RAD51: variants seen among roughly 807,000 people sequenced by gnomAD.
RAD51 encodes RAD51 recombinase.
RAD51 carries 14 observed loss-of-function variants against 41.5 expected under a neutral mutation model. That is an observed-to-expected ratio of 0.34 (90% confidence interval 0.22 to 0.53). The LOEUF (loss-of-function observed/expected upper bound fraction) is 0.53, where lower values mean the gene tolerates loss of function less well. RAD51 is among the 20% of genes least tolerant of loss of function. RAD51 has a pLI of 0.95. For missense variants in RAD51, 234 were observed against 422.0 expected, an observed-to-expected ratio of 0.55 and a Z score of 3.90; for synonymous variants, 136 against 148.6, an observed-to-expected ratio of 0.92 and a Z score of 0.62.
intron 3 of RAD51, among the ~76,000 whole-genome samples, chr15:40,702,948 G>T (rs530561336): frequency 2.2e-4 from 33 of 152,118 alleles, no homozygotes; most frequent in African/African-American, 7.0e-4. Flanking sequence ...TCAGCCTGCT[G>T]AGTAGCTGGG....
In RAD51 at chr15:40,718,719, AG is replaced by A; in HGVS notation, c.436-84del. On this transcript the variant is annotated intron_variant, in intron 5 of 9. Coordinates refer to ENST00000267868, the MANE Select transcript of RAD51 (RefSeq NM_002875.5). ...AAATGTTTTTTTCCCTTTGCCTTGG[AG>A]GAATTATAAAGATGTCATGAGGAGC... 6.0e-6 allele frequency: 7 copies of A among 1,175,468 alleles called. No individual in the cohort carries two copies. The South Asian group carries it at 8.6e-5, about 14-fold the overall frequency. 72.8% of individuals were successfully genotyped at this position (1,175,468 alleles called of 1,614,324 possible). A position where few individuals can be genotyped will look rare whatever the true frequency, so the allele number is the denominator to read the frequency against.
At chr15:40,699,118 G>A (rs958916377) in intron 2 of RAD51, among the ~76,000 whole-genome samples, 7 of 152,142 alleles carry the variant, frequency 4.6e-5, no homozygotes, top group Non-Finnish European at 1.0e-4. Flanking sequence ...AGGATCCCAT[G>A]GTGGAATCTC....
In RAD51 at chr15:40,701,146, A is replaced by G. The variant is rs1448625265; in HGVS notation, c.170A>G (p.Lys57Arg). The change falls in exon 3 of 10, where the codon AAG becomes AGG. Residue 57 changes from lysine to arginine, a missense_variant. By Grantham distance (26) the Lys-to-Arg change is conservative (BLOSUM62 2). This residue lies in a region of RAD51 where 100 missense variants were observed against 135.5 expected (regional missense o/e 0.74). Transcript: ENST00000267868. ...GTGGAGGCTGTTGCCTATGCGCCAAAGAAGGAGCTAATAAATATTAAGGGA... is the reference window on the plus strand; with the variant it reads ...GTGGAGGCTGTTGCCTATGCGCCAAGGAAGGAGCTAATAAATATTAAGGGA... ...HTVEAVAYAP[K>R]KELINIKGIS... is the part of the protein sequence containing the mutation. 11 of 1,614,242 alleles carry G rather than the reference A, an allele frequency of 6.8e-6. No individual in the cohort carries two copies. The East Asian group carries it at 2.5e-4, about 36-fold the overall frequency.
chr15:40,728,050 G>A (rs944324095), intron 6 of RAD51, among the ~76,000 whole-genome samples: 1 of 152,022 alleles, frequency 6.6e-6, no homozygotes, highest in Admixed American at 6.6e-5. Flanking sequence ...AGTAGAGATG[G>A]GGTTTTGCCA....
chr15:40,706,118 C>A, intron 3 of RAD51, 59 bp from the exon 4 acceptor site: 3 of 1,314,670 alleles, frequency 2.3e-6, no homozygotes, highest in Non-Finnish European at 3.3e-6. Context: ...TTTTTGCCAT[C>A]AAGATCACTG....
chr15:40,724,837 C>G (rs541920045), intron 6 of RAD51, among the ~76,000 whole-genome samples: 110 of 148,364 alleles, frequency 7.4e-4, no homozygotes, highest in Admixed American at 2.0e-3. Context: ...CGCCACCACA[C>G]CCGGCTAATT....
intron 6 of RAD51, among the ~76,000 whole-genome samples, chr15:40,723,371 T>A (rs1896377532): frequency 6.6e-6 from 1 of 152,170 alleles, no homozygotes; most frequent in Non-Finnish European, 1.5e-5. Context: ...TAAAAACATG[T>A]CTATACAAAG....
At chr15:40,730,690 T>G (rs1025577941) in intron 9 of RAD51, among the ~76,000 whole-genome samples, 1 of 151,096 alleles carries the variant, frequency 6.6e-6, no homozygotes, top group Non-Finnish European at 1.5e-5. Context: ...CCTGGCTAAT[T>G]TTTTTGTATT....
At position 40,731,598 on chromosome 15, in the gene RAD51, G is replaced by A. The variant is rs1896878780; in HGVS notation, c.*420G>A. ...CCTCAGCTATGTAGCAAAGGGAATG[G>A]GTCTGCACAGATTCTTTTTTTCTGT... On this transcript the variant is annotated 3_prime_UTR_variant, in exon 10 of 10. Coordinates refer to ENST00000267868, the MANE Select transcript of RAD51 (RefSeq NM_002875.5). 7.7e-6 allele frequency: 2 copies of A among 259,652 alleles called. No individual in the cohort carries two copies. Among genetic ancestry groups the A allele is most frequent in the Non-Finnish European group, 1.5e-5 (2 of 132,818 alleles). The allele number at this position is 259,652 out of a possible 1,614,324, so 16.1% of individuals were successfully genotyped here.
Position 40,731,152 on chromosome 15 carries a change from G to C in RAD51, c.994G>C (p.Asp332His), listed in dbSNP as rs1263727210. Residue 332 changes from aspartate to histidine, a missense_variant, in exon 10 of 10, where the codon GAT becomes CAT. Asp to His is a moderately conservative substitution (Grantham distance 81). This residue lies in a region of RAD51 where 134 missense variants were observed against 286.5 expected (regional missense o/e 0.47). Coordinates refer to ENST00000267868, the MANE Select transcript of RAD51 (RefSeq NM_002875.5). ...EAEAMFAINA[D>H]GVGDAKD ...TGAAGCTATGTTCGCCATTAATGCAGATGGAGTGGGAGATGCCAAAGACTG... is the reference window on the plus strand; with the variant it reads ...TGAAGCTATGTTCGCCATTAATGCACATGGAGTGGGAGATGCCAAAGACTG... The C allele has an allele frequency of 1.1e-5, 17 of 1,614,010 alleles. No individual in the cohort carries two copies. Among genetic ancestry groups the C allele is most frequent in the Non-Finnish European group, 1.4e-5 (17 of 1,180,014 alleles).
intron 3 of RAD51, among the ~76,000 whole-genome samples, chr15:40,702,300 T>G (rs569126536): frequency 6.6e-6 from 1 of 152,288 alleles, no homozygotes; most frequent in South Asian, 2.1e-4. Context: ...GGTATCAGTT[T>G]TTGTGAATGA....
chr15:40,719,549 TTGGC>T (rs1567048960), intron 6 of RAD51, among the ~76,000 whole-genome samples: 1 of 151,474 alleles, frequency 6.6e-6, no homozygotes, highest in African/African-American at 2.4e-5. Flanking sequence ...GGCAGACACA[TTGGC>T]TGGGCGCTGT....
rs564145704 is a variant in RAD51, at chr15:40,719,153, G to T, written c.530+254G>T. The stretch of plus-strand genomic sequence containing the variant: ...GGTCACTGCAACCTCTGCCTCCCGG[G>T]TTCAAGCAACTCTCCCACCTCAGCC... On this transcript the variant is annotated intron_variant, in intron 6 of 9. Coordinates refer to ENST00000267868, the MANE Select transcript of RAD51 (RefSeq NM_002875.5). Among the ~76,000 whole-genome samples the T allele has an allele frequency of 5.3e-5, 8 of 151,762 alleles. No homozygotes were observed. The South Asian group carries it at 1.7e-3, about 32-fold the overall frequency.
At chr15:40,718,720 G>C (rs1278952837) in intron 5 of RAD51, 85 bp from the exon 6 acceptor site, 19 of 1,187,906 alleles carry the variant, frequency 1.6e-5, no homozygotes, top group Non-Finnish European at 2.3e-5. Flanking sequence ...TTGCCTTGGA[G>C]GAATTATAAA....
At chr15:40,705,319 G>C (rs1389456046) in intron 3 of RAD51, among the ~76,000 whole-genome samples, 3 of 152,032 alleles carry the variant, frequency 2.0e-5, no homozygotes, top group Non-Finnish European at 4.4e-5. Flanking sequence ...TTCAATTTTA[G>C]AATCAACCCA....
chr15:40,707,150 ATTTTT>A (rs751900607), intron 4 of RAD51, among the ~76,000 whole-genome samples: 1 of 93,612 alleles, frequency 1.1e-5, no homozygotes, highest in East Asian at 3.0e-4. Context: ...CACCTGGCTA[ATTTTT>A]TTTTTTTTTT....
intron 5 of RAD51, among the ~76,000 whole-genome samples, chr15:40,717,722 G>A (rs540861881): frequency 2.6e-5 from 4 of 151,840 alleles, no homozygotes; most frequent in South Asian, 2.1e-4. Context: ...GCTCACACTC[G>A]AAATTTGCTA....
At chr15:40,700,183 T>C (rs1894894813) in intron 2 of RAD51, among the ~76,000 whole-genome samples, 1 of 152,216 alleles carries the variant, frequency 6.6e-6, no homozygotes, top group Admixed American at 6.5e-5. Flanking sequence ...CACATTCACC[T>C]ACTAACTCAT....
chr15:40,706,589 C>T (rs985600011), intron 4 of RAD51, among the ~76,000 whole-genome samples: 6 of 152,110 alleles, frequency 3.9e-5, no homozygotes, highest in African/African-American at 1.4e-4. Context: ...GTGCACATGC[C>T]TACTCGGGAG....
Sources: gnomAD v4.1 joint callset for allele counts (sites outside exome capture counted in the v4.1 genomes callset) on GRCh38, gnomAD v4.1.1 for gene constraint, gnomAD v4.1.1 regional missense constraint, MANE v1.5 for transcripts, NCBI Gene and HGNC (gene_info 2026-07-23, HGNC 2026-07-21) for gene names.